The following STK32A variants were observed in gnomAD, a reference collection of about 807,000 sequenced individuals.
STK32A encodes the protein serine/threonine kinase 32A.
In STK32A, 41 loss-of-function variants were observed where a neutral mutation model predicts 53.2. That is an observed-to-expected ratio of 0.77 (90% CI 0.60 to 1.00). The LOEUF is 1.00. STK32A is among the 50% of genes least tolerant of loss of function. STK32A has a pLI of 0.00. For synonymous variants in STK32A, 166 were observed against 162.8 expected, an observed-to-expected ratio of 1.02 and a Z score of -0.15; for missense variants, 458 against 485.8, an observed-to-expected ratio of 0.94 and a Z score of 0.54.
At chr5:147,305,637 A>G (rs1429635356) in intron 4 of STK32A, among the ~76,000 whole-genome samples, 1 of 151,986 alleles carries the variant, frequency 6.6e-6, no homozygotes, top group African/African-American at 2.4e-5. Context: ...TTAATGAGTG[A>G]TTTTATTTTC....
intron 4 of STK32A, among the ~76,000 whole-genome samples, chr5:147,282,758 T>C (rs1162888048): frequency 6.6e-6 from 1 of 152,138 alleles, no homozygotes; most frequent in African/African-American, 2.4e-5. Flanking sequence ...ATCCTAAACA[T>C]ATAAGCACCT....
chr5:147,334,397 T>A (rs941523391), intron 5 of STK32A, among the ~76,000 whole-genome samples: 1 of 152,226 alleles, frequency 6.6e-6, no homozygotes, highest in Non-Finnish European at 1.5e-5. Flanking sequence ...TACTAGTAAT[T>A]TATGGATGGC....
chr5:147,295,124 G>T (rs895876525), intron 4 of STK32A, among the ~76,000 whole-genome samples: 1 of 152,132 alleles, frequency 6.6e-6, no homozygotes, highest in Non-Finnish European at 1.5e-5. Context: ...TTTTTATAAA[G>T]TTGTTTCCTC....
intron 7 of STK32A, 128 bp downstream of exon 7, chr5:147,351,282 G>A: frequency 1.4e-6 from 1 of 726,110 alleles, no homozygotes; most frequent in Non-Finnish European, 2.3e-6. Flanking sequence ...TGGAGCTTCT[G>A]ATTTCATGGG....
chr5:147,295,711 T>G (rs1184428951), intron 4 of STK32A, among the ~76,000 whole-genome samples: 1 of 152,256 alleles, frequency 6.6e-6, no homozygotes, highest in Non-Finnish European at 1.5e-5. Context: ...TTTTATAGCT[T>G]TGTAAGTTTC....
intron 2 of STK32A, among the ~76,000 whole-genome samples, chr5:147,276,919 G>C (rs1179563965): frequency 1.3e-5 from 2 of 152,138 alleles, no homozygotes; most frequent in Admixed American, 6.6e-5. Flanking sequence ...TTGAGTCCAA[G>C]TACAGGATTA....
Position 147,239,470 on chromosome 5 carries a change from C to T in STK32A, c.-96-69C>T, listed in dbSNP as rs1314100485. The T allele has an allele frequency of 1.5e-5, 8 of 550,826 alleles. No individual in the cohort carries two copies. In the East Asian group the frequency reaches 2.5e-4, roughly 17 times the overall value. 34.1% of individuals were successfully genotyped at this position (550,826 alleles called of 1,614,324 possible). ...GATACAGATGAGGTTTATGTTTCCG[C>T]CACAGTCTATACTCAGGGTGCCTAG... is the stretch of plus-strand genomic sequence containing the variant. On this transcript the variant is annotated intron_variant, in intron 1 of 12. Coordinates refer to ENST00000397936, the MANE Select transcript of STK32A (RefSeq NM_001112724.2).
intron 4 of STK32A, among the ~76,000 whole-genome samples, chr5:147,288,174 G>C (rs1405435940): frequency 6.6e-6 from 1 of 152,108 alleles, no homozygotes; most frequent in African/African-American, 2.4e-5. Context: ...AGAAGAAAGA[G>C]AGGAGACTTA....
intron 7 of STK32A, among the ~76,000 whole-genome samples, chr5:147,360,729 AAT>A (rs1756467739): frequency 2.6e-5 from 4 of 152,142 alleles, no homozygotes; most frequent in Admixed American, 6.6e-5. Context: ...AGACAGTAGG[AAT>A]ATGGTGGTGA....
At chr5:147,241,351 C>T (rs1272315971) in intron 2 of STK32A, among the ~76,000 whole-genome samples, 3 of 152,074 alleles carry the variant, frequency 2.0e-5, no homozygotes, top group African/African-American at 4.8e-5. Flanking sequence ...TGGTGGTGGA[C>T]GCCTGTAGTC....
chr5:147,363,281 C>T (rs1458927429), intron 8 of STK32A, among the ~76,000 whole-genome samples: 2 of 152,052 alleles, frequency 1.3e-5, no homozygotes, highest in African/African-American at 4.8e-5. Flanking sequence ...TCTTAAAACT[C>T]GAGAATAATC....
chr5:147,397,975 C>A, the STK32A span: 1 of 908,808 alleles, frequency 1.1e-6, no homozygotes, highest in Admixed American at 3.1e-5. Context: ...CACCATGCAT[C>A]TGCAAGCATC....
In STK32A at chr5:147,337,044, A is replaced by C. The variant is rs1755167433; in HGVS notation, c.435-5962A>C. Among the ~76,000 whole-genome samples, 3 of 152,174 alleles carry C rather than the reference A, an allele frequency of 2.0e-5. No individual in the cohort carries two copies. In the South Asian group the frequency reaches 6.2e-4, roughly 31 times the overall value. On this transcript the variant is annotated intron_variant, in intron 5 of 12. Coordinates refer to ENST00000397936, the MANE Select transcript of STK32A (RefSeq NM_001112724.2). The stretch of plus-strand genomic sequence containing the variant: ...AGCAACTTGACTCCAGGGGAGGCGC[A>C]ATGAAGGGATGTAATTAGCCTGTTA...
chr5:147,326,784 A>G (rs1754614659), intron 5 of STK32A, among the ~76,000 whole-genome samples: 2 of 152,186 alleles, frequency 1.3e-5, no homozygotes, highest in African/African-American at 4.8e-5. Context: ...AGAGGATGCT[A>G]TTAATATTAA....
chr5:147,315,329 T>C (rs1200645487), intron 4 of STK32A, among the ~76,000 whole-genome samples: 1 of 152,214 alleles, frequency 6.6e-6, no homozygotes, highest in Non-Finnish European at 1.5e-5. Flanking sequence ...AACCCGAATG[T>C]CCATCAACAG....
At chr5:147,238,597 C>A (rs1206524493) in intron 1 of STK32A, among the ~76,000 whole-genome samples, 1 of 152,058 alleles carries the variant, frequency 6.6e-6, no homozygotes, top group Non-Finnish European at 1.5e-5. Context: ...GTTTTGAGCA[C>A]TTATGCTATG....
At chr5:147,294,518 A>T (rs1256149562) in intron 4 of STK32A, among the ~76,000 whole-genome samples, 1 of 152,078 alleles carries the variant, frequency 6.6e-6, no homozygotes, top group African/African-American at 2.4e-5. Context: ...TTAGGACAAA[A>T]TCTACTTTCC....
chr5:147,259,372 C>A (rs1378136120), intron 2 of STK32A, among the ~76,000 whole-genome samples: 3 of 152,114 alleles, frequency 2.0e-5, no homozygotes, highest in Admixed American at 1.3e-4. Flanking sequence ...TCGGGCCATC[C>A]GCGGGTTACT....
At chr5:147,303,812 GAGA>G (rs1393090487) in intron 4 of STK32A, among the ~76,000 whole-genome samples, 4 of 152,188 alleles carry the variant, frequency 2.6e-5, no homozygotes, top group Non-Finnish European at 5.9e-5. Context: ...TGCAAAAGTA[GAGA>G]AGAAGGGAGC....
Sources: gnomAD v4.1 joint callset for allele counts (sites outside exome capture counted in the v4.1 genomes callset) on GRCh38, gnomAD v4.1.1 for gene constraint, MANE v1.5 for transcripts, NCBI Gene and HGNC (gene_info 2026-07-23, HGNC 2026-07-21) for gene names.